The following ETFBKMT variants were observed in gnomAD, a reference collection of about 807,000 sequenced individuals.
The protein encoded by ETFBKMT is electron transfer flavoprotein subunit beta lysine methyltransferase, also known as electron transfer flavoprotein beta subunit lysine methyltransferase.
Under a neutral mutation model 18.3 loss-of-function variants are expected in ETFBKMT, and 13 were observed. The ratio of observed to expected loss-of-function variants is 0.71; its 90% CI spans 0.46 to 1.13. The LOEUF (loss-of-function observed/expected upper bound fraction) is 1.13. Ranked by LOEUF, ETFBKMT falls within the 50% of genes most tolerant of loss-of-function variation. The probability of loss-of-function intolerance (pLI) is 0.00; values close to 1 mark genes in which losing one functional copy is unlikely to be tolerated. For missense variants in ETFBKMT, 293 were observed against 306.2 expected, an observed-to-expected ratio of 0.96 and a Z score of 0.32; for synonymous variants, 84 against 107.9, an observed-to-expected ratio of 0.78 and a Z score of 1.37.
At chr12:31,657,004 C>T (rs1420325287), upstream of ETFBKMT, among the ~76,000 whole-genome samples, 1 of 152,114 alleles carries the variant, frequency 6.6e-6, no homozygotes, top group East Asian at 1.9e-4. Context: ...ATTAAATCTT[C>T]CTAAAACATT....
intron 2 of ETFBKMT, among the ~76,000 whole-genome samples, chr12:31,665,500 TTTTC>T (rs1951182679): frequency 6.6e-6 from 1 of 152,186 alleles, no homozygotes; most frequent in Non-Finnish European, 1.5e-5. Flanking sequence ...TTCTTTTCTT[TTTTC>T]TTTTTTTGCA....
rs1951253947 is a variant in ETFBKMT at position 31,670,678 on chromosome 12, C to T, written c.*2688C>T. ...TTTTTGTAGACATGGAGTCTTGCTA[C>T]ATTGGCCAGGCTGGGTATTACTGGG... On this transcript the variant is annotated 3_prime_UTR_variant, in exon 4 of 4. Transcript: ENST00000357721. The T allele has an allele frequency of 1.3e-5, 2 of 151,840 alleles. No individual in the cohort carries two copies. The highest frequency in any genetic ancestry group is 1.5e-5 in the Non-Finnish European group (1 of 68,000). 9.4% of individuals were successfully genotyped at this position (151,840 alleles called of 1,614,324 possible).
chr12:31,654,968 ATTGC>A (rs1471598843), upstream of ETFBKMT, among the ~76,000 whole-genome samples: 1 of 151,830 alleles, frequency 6.6e-6, no homozygotes, highest in Admixed American at 6.6e-5. Context: ...AGGCATGAGA[ATTGC>A]TTGAACCCGG....
intron 1 of ETFBKMT, among the ~76,000 whole-genome samples, chr12:31,648,673 T>G (rs1453138385): frequency 6.8e-6 from 1 of 147,518 alleles, no homozygotes; most frequent in East Asian, 2.2e-4. Context: ...GCCATTCTCC[T>G]GCCTCAGCCT....
upstream of ETFBKMT, among the ~76,000 whole-genome samples, chr12:31,658,334 C>G (rs536353455): frequency 9.7e-4 from 147 of 152,284 alleles, 4 homozygotes; most frequent in South Asian, 0.03. Flanking sequence ...TTCATAAACA[C>G]ATTATATCAG....
chr12:31,653,773 C>T (rs1473656953), intron 1 of ETFBKMT, among the ~76,000 whole-genome samples: 3 of 152,208 alleles, frequency 2.0e-5, no homozygotes, highest in African/African-American at 4.8e-5. Context: ...CATGGCGAAA[C>T]CTGTCTCTAC....
rs1434488143 is a variant in ETFBKMT, at chr12:31,670,902, A to G, written c.*2912A>G. 6.6e-6 allele frequency: 1 copy of G among 152,240 alleles called. No individual in the cohort carries two copies. The highest frequency in any genetic ancestry group is 2.4e-5 in the African/African-American group (1 of 41,452). 9.4% of individuals were successfully genotyped at this position (152,240 alleles called of 1,614,324 possible). A position where few individuals can be genotyped will look rare whatever the true frequency, so the allele number is the denominator to read the frequency against. The stretch of plus-strand genomic sequence containing the variant: ...TAATGAACAAATGAAAACAGGCATC[A>G]GATGGTGATAGGTAGTAAGGAGAAA... On this transcript the variant is annotated 3_prime_UTR_variant, in exon 4 of 4. Coordinates refer to ENST00000357721, the MANE Select transcript of ETFBKMT (RefSeq NM_001135863.2).
At chr12:31,661,743 GC>G (rs1268113590) in intron 1 of ETFBKMT, 97 bp from the exon 2 acceptor site, 1 of 525,152 alleles carries the variant, frequency 1.9e-6, no homozygotes, top group African/African-American at 1.9e-5. Flanking sequence ...ACAGGCGTGA[GC>G]CACCGCGCCC....
upstream of ETFBKMT, among the ~76,000 whole-genome samples, chr12:31,654,416 T>C (rs564167356): frequency 6.6e-6 from 1 of 152,336 alleles, no homozygotes; most frequent in South Asian, 2.1e-4. Flanking sequence ...GCCATTGCAC[T>C]CCTAGGTATT....
At chr12:31,650,558 G>A (rs538800507) in intron 1 of ETFBKMT, among the ~76,000 whole-genome samples, 1 of 151,236 alleles carries the variant, frequency 6.6e-6, no homozygotes, top group Non-Finnish European at 1.5e-5. Flanking sequence ...CCCTCTCTTG[G>A]GATCTGAATC....
upstream of ETFBKMT, among the ~76,000 whole-genome samples, chr12:31,654,486 G>T (rs1366664469): frequency 6.6e-6 from 1 of 152,164 alleles, no homozygotes; most frequent in Non-Finnish European, 1.5e-5. Flanking sequence ...GTTCAAAACA[G>T]CTTTATTTGT....
In ETFBKMT at chr12:31,668,075, T is replaced by G. The variant is rs1203751791; in HGVS notation, c.*85T>G. 1 of 1,011,388 alleles carries G rather than the reference T, an allele frequency of 9.9e-7. No individual in the cohort carries two copies. The highest frequency in any genetic ancestry group is 1.6e-5 in the African/African-American group (1 of 62,082). The allele number at this position is 1,011,388 out of a possible 1,614,324, so 62.7% of individuals were successfully genotyped here. A position where few individuals can be genotyped will look rare whatever the true frequency, so the allele number is the denominator to read the frequency against. On this transcript the variant is annotated 3_prime_UTR_variant, in exon 4 of 4. Coordinates refer to ENST00000357721, the MANE Select transcript of ETFBKMT (RefSeq NM_001135863.2). ...TCTCTATAGGAGATACTCTCCAGTT[T>G]AATGAATGTAATTCTTGTTAAATGG...
intron 1 of ETFBKMT, chr12:31,660,004 A>C (rs1284213839): frequency 6.7e-6 from 1 of 148,990 alleles, no homozygotes; most frequent in Admixed American, 6.7e-5. Flanking sequence ...AAAAAAAAAA[A>C]AAAAATACAA....
At chr12:31,658,581 T>A (rs981698847), upstream of ETFBKMT, among the ~76,000 whole-genome samples, 4 of 152,126 alleles carry the variant, frequency 2.6e-5, no homozygotes, top group African/African-American at 9.7e-5. Context: ...AAGCGACAAA[T>A]TCTAATTTTG....
At chr12:31,652,210 C>T (rs1482277238) in intron 1 of ETFBKMT, among the ~76,000 whole-genome samples, 1 of 152,196 alleles carries the variant, frequency 6.6e-6, no homozygotes, top group Non-Finnish European at 1.5e-5. Context: ...GTCCTTTCCA[C>T]TCGCAGATCC....
chr12:31,666,314 G>A (rs1336538041), intron 3 of ETFBKMT, 97 bp downstream of exon 3: 2 of 1,301,688 alleles, frequency 1.5e-6, no homozygotes, highest in East Asian at 2.4e-5. Context: ...ATCGTTATAT[G>A]TATTTTGTGA....
chr12:31,672,582 G>A lies in ETFBKMT; in HGVS notation c.*4592G>A, dbSNP rs1042697014. 1 of 421,990 alleles carries A rather than the reference G, an allele frequency of 2.4e-6. No homozygotes were observed. Among genetic ancestry groups the A allele is most frequent in the South Asian group, 4.3e-5 (1 of 23,148 alleles). 26.1% of individuals were successfully genotyped at this position (421,990 alleles called of 1,614,324 possible). A position where few individuals can be genotyped will look rare whatever the true frequency, so the allele number is the denominator to read the frequency against. On this transcript the variant is annotated 3_prime_UTR_variant, in exon 4 of 4. Transcript: ENST00000357721. Reference sequence around the variant, plus strand: ...TTATTAGGTGTAGTGCACCTATCATGGTATTACTTGTTTAAAAAAAAAAAA... The same window carrying A: ...TTATTAGGTGTAGTGCACCTATCATAGTATTACTTGTTTAAAAAAAAAAAA...
Position 31,662,023 on chromosome 12 carries a change from A to G in ETFBKMT, c.70A>G (p.Ser24Gly), listed in dbSNP as rs1458980011. The change falls in exon 2 of 4, where the codon AGT (serine) becomes GGT (glycine). Residue 24 changes from serine (S) to glycine (G), a missense_variant. Transcript: ENST00000357721. ...CGLLLQALRS[S>G]GLLLFPCGQC... is the part of the protein sequence containing the mutation. The stretch of plus-strand genomic sequence containing the variant: ...TCTCCTCTTGCAGGCTCTGCGAAGC[A>G]GTGGTCTTCTCTTGTTTCCCTGTGG... 1 of 1,614,112 alleles carries G rather than the reference A, an allele frequency of 6.2e-7. No homozygotes were observed. The highest frequency in any genetic ancestry group is 8.5e-7 in the Non-Finnish European group (1 of 1,180,046).
intron 2 of ETFBKMT, among the ~76,000 whole-genome samples, chr12:31,662,993 T>C (rs1592136386): frequency 6.6e-6 from 1 of 152,216 alleles, no homozygotes; most frequent in East Asian, 1.9e-4. Flanking sequence ...GCAGTGCCTG[T>C]AATCCCAGTG....
Sources: gnomAD v4.1 joint callset for allele counts (sites outside exome capture counted in the v4.1 genomes callset) on GRCh38, gnomAD v4.1.1 for gene constraint, MANE v1.5 for transcripts, NCBI Gene and HGNC (gene_info 2026-07-23, HGNC 2026-07-21) for gene names.